STRADB: variants seen among roughly 807,000 people sequenced by gnomAD.
STRADB encodes STE20-related kinase adapter protein beta.
STRADB carries 34 observed loss-of-function variants against 52.1 expected under a neutral mutation model. That is an observed-to-expected ratio of 0.65 (90% CI 0.50 to 0.87). The LOEUF (loss-of-function observed/expected upper bound fraction) is 0.87, where lower values mean the gene tolerates loss of function less well. STRADB is among the 40% of genes least tolerant of loss of function. The pLI is 0.00. For missense variants in STRADB, 340 were observed against 483.9 expected, an observed-to-expected ratio of 0.70 and a Z score of 2.79; for synonymous variants, 133 against 174.5, an observed-to-expected ratio of 0.76 and a Z score of 1.87.
At chr2:201,458,981 G>A (rs1422424658) in intron 3 of STRADB, 117 bp downstream of exon 3, 2 of 766,124 alleles carry the variant, frequency 2.6e-6, no homozygotes, top group Non-Finnish European at 4.3e-6. Flanking sequence ...GGGCAACATA[G>A]TGAGATCTCA....
chr2:201,476,841 G>T (rs1952480136), intron 7 of STRADB, among the ~76,000 whole-genome samples: 1 of 150,050 alleles, frequency 6.7e-6, no homozygotes, highest in African/African-American at 2.4e-5. Flanking sequence ...AATTAGCCAG[G>T]TGTGGTGGCA....
At chr2:201,463,203 G>A (rs1952244569) in intron 3 of STRADB, among the ~76,000 whole-genome samples, 1 of 152,098 alleles carries the variant, frequency 6.6e-6, no homozygotes, top group African/African-American at 2.4e-5. Context: ...TGGGCGTGGT[G>A]GCACACGCCT....
chr2:201,468,348 G>A (rs1262489769), intron 3 of STRADB, among the ~76,000 whole-genome samples: 1 of 152,018 alleles, frequency 6.6e-6, no homozygotes, highest in Non-Finnish European at 1.5e-5. Context: ...TTTTTAAAGT[G>A]CCCATAATTC....
chr2:201,477,061 T>TTG (rs1553628353), intron 7 of STRADB, among the ~76,000 whole-genome samples: 1 of 101,110 alleles, frequency 9.9e-6, no homozygotes, highest in Non-Finnish European at 2.1e-5. Flanking sequence ...AGTTTTTTTT[T>TTG]TTTTTTTTTT....
chr2:201,474,881 A>G (rs1952447862), intron 6 of STRADB, 126 bp downstream of exon 6: 1 of 751,154 alleles, frequency 1.3e-6, no homozygotes, highest in Non-Finnish European at 2.1e-6. Flanking sequence ...TTTAGATTTC[A>G]TGGTATATTT....
rs538043601 is a variant in STRADB at position 201,461,144 on chromosome 2, T to C, written c.93+2280T>C. 1.1e-4 allele frequency among the ~76,000 whole-genome samples: 16 copies of C among 152,302 alleles called. No individual in the cohort carries two copies. The East Asian group carries it at 3.1e-3, about 29-fold the overall frequency. On this transcript the variant is annotated intron_variant, in intron 3 of 11. Transcript: ENST00000194530. ...ATCAGTGATGTTGGGCACTTTTTCA[T>C]GTACCTGTTTGCCATTTGTATGTCA...
rs1170554577 is a variant in STRADB, at chr2:201,480,366, T to C, written c.*191T>C. On this transcript the variant is annotated 3_prime_UTR_variant, in exon 12 of 12. Transcript: ENST00000194530. ...TCCCTCTGTTTCGCACAGAGTACTA[T>C]GACAAGGAAACATCAGAATTACTAA... 7.3e-7 allele frequency: 1 copy of C among 1,379,280 alleles called. No homozygotes were observed. The highest frequency in any genetic ancestry group is 9.3e-7 in the Non-Finnish European group (1 of 1,069,934). 85.4% of individuals were successfully genotyped at this position (1,379,280 alleles called of 1,614,324 possible).
At chr2:201,462,236 C>T (rs538155948) in intron 3 of STRADB, among the ~76,000 whole-genome samples, 85 of 152,180 alleles carry the variant, frequency 5.6e-4, no homozygotes, top group Non-Finnish European at 1.0e-4. Context: ...TGTTCTTTTT[C>T]GGTTTCCATT....
At chr2:201,465,787 C>CT (rs1488451193) in intron 3 of STRADB, among the ~76,000 whole-genome samples, 1 of 152,202 alleles carries the variant, frequency 6.6e-6, no homozygotes, top group African/African-American at 2.4e-5. Flanking sequence ...GTTCCAGCTG[C>CT]TGGGATGGGT....
At chr2:201,458,997 A>G (rs1952171894) in intron 3 of STRADB, 133 bp downstream of exon 3, 5 of 640,816 alleles carry the variant, frequency 7.8e-6, no homozygotes, top group Non-Finnish European at 8.0e-6. Flanking sequence ...TCTCATCTTT[A>G]AAAAAAATGG....
At chr2:201,477,343 C>T (rs552210456) in intron 7 of STRADB, among the ~76,000 whole-genome samples, 3 of 152,182 alleles carry the variant, frequency 2.0e-5, no homozygotes, top group East Asian at 1.9e-4. Context: ...GGATTACAGG[C>T]GTGAGCCACC....
chr2:201,468,085 CTTTTTTTTTTT>C (rs536551120), intron 3 of STRADB, among the ~76,000 whole-genome samples: 9,387 of 71,610 alleles, frequency 0.13, 496 homozygotes, highest in African/African-American at 0.2. Flanking sequence ...TTTTTTTTTT[CTTTTTTTTTTT>C]TTTTTTTTTT....
chr2:201,452,194 C>T (rs577149107), intron 1 of STRADB, among the ~76,000 whole-genome samples: 2 of 152,052 alleles, frequency 1.3e-5, no homozygotes, highest in South Asian at 4.1e-4. Flanking sequence ...GTGGTGCCTG[C>T]CGGGTTGGCC....
At chr2:201,479,342 A>G in intron 10 of STRADB, 147 bp from the exon 11 acceptor site, 1 of 672,000 alleles carries the variant, frequency 1.5e-6, no homozygotes, top group East Asian at 2.9e-5. Context: ...GGTTGTAGCT[A>G]AGAATTGGGC....
At chr2:201,468,975 T>C (rs188094139) in intron 3 of STRADB, among the ~76,000 whole-genome samples, 26 of 152,356 alleles carry the variant, frequency 1.7e-4, no homozygotes, top group Admixed American at 1.2e-3. Context: ...AATCGTATAG[T>C]AGAATTTCTT....
At chr2:201,471,609 G>C (rs371043814) in intron 4 of STRADB, among the ~76,000 whole-genome samples, 68 of 152,326 alleles carry the variant, frequency 4.5e-4, no homozygotes, top group African/African-American at 1.6e-3. Context: ...CTTTCTGACT[G>C]TAGGATCTAA....
intron 11 of STRADB, among the ~76,000 whole-genome samples, chr2:201,479,774 GTA>G (rs1449405318): frequency 6.6e-6 from 1 of 152,140 alleles, no homozygotes. Context: ...GATGCTTGGT[GTA>G]TATTTTGATT....
chr2:201,476,200 C>T (rs1183814866), intron 7 of STRADB, among the ~76,000 whole-genome samples: 1 of 152,194 alleles, frequency 6.6e-6, no homozygotes, highest in African/African-American at 2.4e-5. Flanking sequence ...AATATCACTT[C>T]TCTTGTTACC....
Position 201,475,699 on chromosome 2 carries a change from G to T in STRADB, c.505G>T (p.Val169Leu). Reference sequence around the variant, plus strand: ...AATAAGAAACATTCTCTTTGGAGCCGTGAGAGGGTTGAACTATCTGCACCA... The same window carrying T: ...AATAAGAAACATTCTCTTTGGAGCCTTGAGAGGGTTGAACTATCTGCACCA... The part of the protein sequence containing the change: ...TLIRNILFGA[V>L]RGLNYLHQNG... The change falls in exon 7 of 12, where the codon GTG becomes TTG. Residue 169 changes from valine (V) to leucine (L), a missense_variant. Physicochemically the swap from Val to Leu is conservative, Grantham distance 32. Transcript: ENST00000194530. 6.2e-7 allele frequency: 1 copy of T among 1,612,276 alleles called. No individual in the cohort carries two copies. The highest frequency in any genetic ancestry group is 8.5e-7 in the Non-Finnish European group (1 of 1,179,858).
Sources: allele counts gnomAD v4.1 joint callset (sites outside exome capture counted in the v4.1 genomes callset), GRCh38; gene constraint gnomAD v4.1.1; transcripts MANE v1.5; gene names NCBI Gene and HGNC (gene_info 2026-07-23, HGNC 2026-07-21).